DOCK3: variants seen among roughly 807,000 people sequenced by gnomAD.
The protein encoded by DOCK3 is dedicator of cytokinesis protein 3.
In DOCK3, 60 loss-of-function variants were observed where a neutral mutation model predicts 265.6. The observed-to-expected ratio is 0.23, with a 90% CI of 0.18 to 0.28. DOCK3 has a LOEUF of 0.28. Ranked by LOEUF, DOCK3 falls within the 10% of genes least tolerant of loss-of-function variation. The pLI is 1.00. For synonymous variants in DOCK3, 881 were observed against 938.0 expected, an observed-to-expected ratio of 0.94 and a Z score of 1.11; for missense variants, 1,981 against 2,594.3, an observed-to-expected ratio of 0.76 and a Z score of 5.14.
intron 1 of DOCK3, among the ~76,000 whole-genome samples, chr3:50,760,179 C>T (rs938988254): frequency 6.6e-6 from 1 of 152,226 alleles, no homozygotes; most frequent in Non-Finnish European, 1.5e-5. Flanking sequence ...TTTGTATATG[C>T]TGTGAGATAA....
intron 9 of DOCK3, among the ~76,000 whole-genome samples, chr3:51,100,534 G>A (rs547206939): frequency 5.9e-5 from 9 of 152,112 alleles, no homozygotes; most frequent in Admixed American, 5.9e-4. Flanking sequence ...TGAACCATGC[G>A]TATCCAAGGC....
intron 12 of DOCK3, among the ~76,000 whole-genome samples, chr3:51,171,037 T>C (rs754735759): frequency 6.6e-6 from 1 of 152,136 alleles, no homozygotes; most frequent in Non-Finnish European, 1.5e-5. Context: ...CTTTCTCGTC[T>C]CTATTTCATT....
At chr3:50,887,064 G>A (rs1298077196) in intron 3 of DOCK3, among the ~76,000 whole-genome samples, 2 of 152,014 alleles carry the variant, frequency 1.3e-5, no homozygotes, top group Admixed American at 6.6e-5. Context: ...AAAAATTAAT[G>A]AATCCAGGAG....
At chr3:51,349,257 T>C (rs1354675077) in intron 39 of DOCK3, among the ~76,000 whole-genome samples, 1 of 152,254 alleles carries the variant, frequency 6.6e-6, no homozygotes, top group Non-Finnish European at 1.5e-5. Context: ...GTTTTGTTTA[T>C]GGATGCTTCA....
intron 5 of DOCK3, among the ~76,000 whole-genome samples, chr3:50,986,259 G>A (rs149408523): frequency 1.1e-3 from 165 of 152,272 alleles, no homozygotes; most frequent in African/African-American, 3.9e-3. Flanking sequence ...AAAAAATTAT[G>A]CAAGTATATA....
intron 32 of DOCK3, among the ~76,000 whole-genome samples, chr3:51,317,823 G>A (rs1201626293): frequency 6.6e-6 from 1 of 151,926 alleles, no homozygotes; most frequent in East Asian, 1.9e-4. Context: ...GACCATATTT[G>A]TGTGAATCTC....
chr3:51,147,449 G>A (rs758616002), intron 10 of DOCK3, among the ~76,000 whole-genome samples: 35 of 152,160 alleles, frequency 2.3e-4, no homozygotes, highest in Middle Eastern at 3.4e-3. Flanking sequence ...CCATTAACTC[G>A]TGATTTACAT....
At position 50,774,814 on chromosome 3, in the gene DOCK3, A is replaced by G. The variant is rs557117560; in HGVS notation, c.38-3861A>G. Among the ~76,000 whole-genome samples the G allele has an allele frequency of 2.6e-5, 4 of 151,940 alleles. No individual in the cohort carries two copies. In the East Asian group the frequency reaches 5.8e-4, roughly 22 times the overall value. ...ATCACCAGTGTGTGTGATGTTTCCTATAGACACATCATAGATGCCCTTTAT... is the reference window on the plus strand; with the variant it reads ...ATCACCAGTGTGTGTGATGTTTCCTGTAGACACATCATAGATGCCCTTTAT... On this transcript the variant is annotated intron_variant, in intron 1 of 52. Transcript: ENST00000266037.
intron 4 of DOCK3, among the ~76,000 whole-genome samples, chr3:50,893,663 G>A (rs551689748): frequency 1.0e-3 from 153 of 152,024 alleles, no homozygotes; most frequent in African/African-American, 3.5e-3. Flanking sequence ...ATTATCACAC[G>A]TGGGGCAGGA....
At chr3:51,037,478 A>G (rs2080314297) in intron 5 of DOCK3, among the ~76,000 whole-genome samples, 2 of 152,142 alleles carry the variant, frequency 1.3e-5, no homozygotes, top group Non-Finnish European at 2.9e-5. Context: ...TCCTTTCCAG[A>G]AATATTAGTC....
At chr3:51,047,982 C>CA (rs1433994012) in intron 5 of DOCK3, among the ~76,000 whole-genome samples, 2 of 151,966 alleles carry the variant, frequency 1.3e-5, no homozygotes, top group African/African-American at 2.4e-5. Context: ...CAAAAACCCT[C>CA]AAAAAAATAT....
chr3:51,096,235 A>G lies in DOCK3; in HGVS notation c.746+5851A>G, dbSNP rs564851294. On this transcript the variant is annotated intron_variant, in intron 9 of 52. Transcript: ENST00000266037. The stretch of plus-strand genomic sequence containing the variant: ...ATAATATCCTGAAGAGTGTTTTCCA[A>G]CTTGGTTCCATTCTCCCCGTCACTT... Among the ~76,000 whole-genome samples the G allele has an allele frequency of 2.1e-4, 32 of 152,282 alleles. 1 individual carries two copies. Among genetic ancestry groups the G allele is most frequent in the African/African-American group, 7.7e-4 (32 of 41,568 alleles).
intron 3 of DOCK3, among the ~76,000 whole-genome samples, chr3:50,880,159 A>G (rs1156622778): frequency 1.3e-5 from 2 of 152,230 alleles, no homozygotes; most frequent in Non-Finnish European, 2.9e-5. Context: ...TATAGCACTA[A>G]ATGCCCACAA....
intron 4 of DOCK3, among the ~76,000 whole-genome samples, chr3:50,925,048 C>G (rs893060611): frequency 1.3e-4 from 20 of 152,142 alleles, no homozygotes; most frequent in African/African-American, 4.6e-4. Context: ...TATCCCATGT[C>G]TTTATTCTAT....
At chr3:51,048,175 C>A (rs2080847874) in intron 5 of DOCK3, among the ~76,000 whole-genome samples, 1 of 85,938 alleles carries the variant, frequency 1.2e-5, no homozygotes, top group Admixed American at 1.4e-4. Context: ...AATCCAGCAT[C>A]CTTTCATGAT....
intron 27 of DOCK3, among the ~76,000 whole-genome samples, chr3:51,299,794 C>G (rs1041171781): frequency 1.3e-5 from 2 of 152,108 alleles, no homozygotes; most frequent in African/African-American, 4.8e-5. Context: ...GTACCACTAC[C>G]ATGTTGTTTT....
chr3:50,684,105 A>C (rs1232166319), intron 1 of DOCK3, among the ~76,000 whole-genome samples: 1 of 151,622 alleles, frequency 6.6e-6, no homozygotes, highest in East Asian at 1.9e-4. Context: ...CTGCTTGGGG[A>C]ATGTTAACTG....
intron 14 of DOCK3, among the ~76,000 whole-genome samples, chr3:51,222,472 G>A (rs1335652676): frequency 1.3e-5 from 2 of 152,196 alleles, no homozygotes; most frequent in Admixed American, 6.5e-5. Context: ...TGGAGAGCTT[G>A]ATTGAAGTGA....
intron 2 of DOCK3, among the ~76,000 whole-genome samples, chr3:50,784,752 A>G (rs1201283551): frequency 6.6e-6 from 1 of 152,138 alleles, no homozygotes; most frequent in African/African-American, 2.4e-5. Flanking sequence ...ATTCGTAAGT[A>G]TTTTATTTTA....
Sources: allele counts gnomAD v4.1 joint callset (sites outside exome capture counted in the v4.1 genomes callset), GRCh38; gene constraint gnomAD v4.1.1; transcripts MANE v1.5; gene names NCBI Gene and HGNC (gene_info 2026-07-23, HGNC 2026-07-21).